The following ERC2 variants were observed in gnomAD, a reference collection of about 807,000 sequenced individuals.
The protein encoded by ERC2 is ERC protein 2.
In ERC2, 42 loss-of-function variants were observed where a neutral mutation model predicts 114.8. That is an observed-to-expected ratio of 0.37 (90% CI 0.29 to 0.47). ERC2 has a LOEUF of 0.47. ERC2 is among the 20% of genes least tolerant of loss of function. ERC2 has a pLI of 0.99. For synonymous variants in ERC2, 454 were observed against 425.5 expected, an observed-to-expected ratio of 1.07 and a Z score of -0.82; for missense variants, 939 against 1,150.7, an observed-to-expected ratio of 0.82 and a Z score of 2.66.
At chr3:55,703,046 A>C (rs2063306667) in intron 15 of ERC2, among the ~76,000 whole-genome samples, 1 of 152,098 alleles carries the variant, frequency 6.6e-6, no homozygotes, top group African/African-American at 2.4e-5. Flanking sequence ...AGACAAATCT[A>C]ATCAGATTTC....
chr3:56,143,395 T>C (rs1458622404), intron 5 of ERC2, among the ~76,000 whole-genome samples: 3 of 152,146 alleles, frequency 2.0e-5, no homozygotes, highest in Non-Finnish European at 2.9e-5. Flanking sequence ...AATTCCTACA[T>C]GTCATGGGAG....
chr3:56,070,270 T>A (rs1459212428), intron 7 of ERC2, among the ~76,000 whole-genome samples: 1 of 152,136 alleles, frequency 6.6e-6, no homozygotes, highest in Non-Finnish European at 1.5e-5. Context: ...AACAGAATCA[T>A]CTGCAGACTG....
At chr3:56,347,327 G>T (rs946544402) in intron 2 of ERC2, among the ~76,000 whole-genome samples, 15 of 151,966 alleles carry the variant, frequency 9.9e-5, no homozygotes, top group African/African-American at 3.6e-4. Flanking sequence ...GTGATGCTAG[G>T]GCTGGTGCTC....
At chr3:55,931,357 G>A (rs2066070608) in intron 13 of ERC2, among the ~76,000 whole-genome samples, 1 of 152,170 alleles carries the variant, frequency 6.6e-6, no homozygotes, top group Non-Finnish European at 1.5e-5. Flanking sequence ...CAACCCAAAT[G>A]CCCATCAGTG....
intron 2 of ERC2, among the ~76,000 whole-genome samples, chr3:56,380,992 C>G (rs1479903703): frequency 1.3e-5 from 2 of 152,100 alleles, no homozygotes; most frequent in African/African-American, 4.8e-5. Context: ...CTTCCATTTG[C>G]GTCAATGTCT....
intron 15 of ERC2, among the ~76,000 whole-genome samples, chr3:55,719,447 A>G (rs1576294348): frequency 6.6e-6 from 1 of 152,312 alleles, no homozygotes; most frequent in Middle Eastern, 3.4e-3. Context: ...GCCTCTTGCC[A>G]AAGCTGGGTG....
At chr3:56,306,095 C>T (rs149637384) in intron 2 of ERC2, among the ~76,000 whole-genome samples, 122 of 152,142 alleles carry the variant, frequency 8.0e-4, no homozygotes, top group African/African-American at 2.4e-3. Flanking sequence ...GTGATCCTCC[C>T]GCCTCGGCCT....
chr3:55,755,083 CTTT>C (rs35629979), intron 14 of ERC2, among the ~76,000 whole-genome samples: 1 of 145,936 alleles, frequency 6.9e-6, no homozygotes. Flanking sequence ...TATTCATCTT[CTTT>C]TTTTTTTTTC....
At chr3:56,300,217 A>G (rs752035334) in intron 2 of ERC2, among the ~76,000 whole-genome samples, 54 of 151,872 alleles carry the variant, frequency 3.6e-4, no homozygotes, top group Non-Finnish European at 2.2e-4. Context: ...AATGGAGGGA[A>G]AATTGGTCCA....
chr3:55,576,420 C>G (rs1390696494), intron 17 of ERC2, among the ~76,000 whole-genome samples: 3 of 152,124 alleles, frequency 2.0e-5, no homozygotes, highest in Non-Finnish European at 4.4e-5. Context: ...CAAAATAATC[C>G]TTCAGGGGAG....
At chr3:56,446,920 C>A (rs1211460672) in intron 1 of ERC2, among the ~76,000 whole-genome samples, 1 of 152,122 alleles carries the variant, frequency 6.6e-6, no homozygotes, top group Non-Finnish European at 1.5e-5. Flanking sequence ...AGCCACCACA[C>A]CCGGCCGAGA....
chr3:55,793,408 G>A (rs6777324), intron 14 of ERC2, among the ~76,000 whole-genome samples: 2,884 of 152,246 alleles, frequency 0.019, 100 homozygotes, highest in African/African-American at 0.066. Flanking sequence ...CAGAATGTCT[G>A]TGACTTATAG....
chr3:56,213,226 A>G (rs1158025739), intron 3 of ERC2, among the ~76,000 whole-genome samples: 1 of 152,172 alleles, frequency 6.6e-6, no homozygotes, highest in African/African-American at 2.4e-5. Flanking sequence ...GCATCACCTC[A>G]CCCAGGAAGT....
rs551697571 is a variant in ERC2 at position 56,100,798 on chromosome 3, G to T, written c.1474-19814C>A. Among the ~76,000 whole-genome samples, 4 of 152,216 alleles carry T rather than the reference G, an allele frequency of 2.6e-5. No individual in the cohort carries two copies. The East Asian group carries it at 7.7e-4, about 29-fold the overall frequency. On this transcript the variant is annotated intron_variant, in intron 6 of 17. Transcript: ENST00000288221. ...TAGTTAGTTGCATTAACATTATTAAGTTGCAATATATTACACACAGTACAG... is the reference window on the plus strand; with the variant it reads ...TAGTTAGTTGCATTAACATTATTAATTTGCAATATATTACACACAGTACAG...
intron 17 of ERC2, among the ~76,000 whole-genome samples, chr3:55,603,540 G>A (rs888014122): frequency 1.3e-5 from 2 of 151,416 alleles, no homozygotes; most frequent in South Asian, 2.1e-4. Context: ...GCTGAGGCAG[G>A]AGAACTGCGT....
intron 2 of ERC2, among the ~76,000 whole-genome samples, chr3:56,327,755 C>T (rs1462497020): frequency 2.0e-5 from 3 of 152,158 alleles, no homozygotes; most frequent in Admixed American, 6.5e-5. Context: ...CCTTCTGAAT[C>T]GAGGGAATCA....
At position 55,638,259 on chromosome 3, in the gene ERC2, G is replaced by A. The variant is rs942833949; in HGVS notation, c.*39+45535C>T. 2.6e-5 allele frequency among the ~76,000 whole-genome samples: 4 copies of A among 152,170 alleles called. No homozygotes were observed. The South Asian group carries it at 8.3e-4, about 32-fold the overall frequency. ...CCAACCTCCTCCATGGGGTTTTTGT[G>A]AGAATTAACCCCATTTGCAGCCATT... On this transcript the variant is annotated intron_variant, in intron 17 of 17. Coordinates refer to ENST00000288221, the MANE Select transcript of ERC2 (RefSeq NM_015576.3).
intron 2 of ERC2, among the ~76,000 whole-genome samples, chr3:56,389,381 G>A (rs2060048055): frequency 6.6e-6 from 1 of 152,172 alleles, no homozygotes; most frequent in Admixed American, 6.5e-5. Flanking sequence ...CAGTGTCACA[G>A]AAAGAACATG....
intron 14 of ERC2, among the ~76,000 whole-genome samples, chr3:55,796,255 G>A (rs2070474746): frequency 1.3e-5 from 2 of 151,272 alleles, no homozygotes; most frequent in African/African-American, 4.9e-5. Context: ...TGTTTGAGAA[G>A]AAAAGTGAAC....
Sources: allele counts gnomAD v4.1 joint callset (sites outside exome capture counted in the v4.1 genomes callset), GRCh38; gene constraint gnomAD v4.1.1; transcripts MANE v1.5; gene names NCBI Gene and HGNC (gene_info 2026-07-23, HGNC 2026-07-21).